Variants in PARD3 observed in about 807,000 individuals in gnomAD.
PARD3 encodes partitioning defective 3 homolog.
A neutral mutation model predicts 155.4 loss-of-function variants in PARD3; 75 were observed. The observed-to-expected ratio is 0.48, with a 90% CI of 0.40 to 0.58. The LOEUF (loss-of-function observed/expected upper bound fraction) is 0.58, where lower values mean the gene tolerates loss of function less well. PARD3 is among the 20% of genes least tolerant of loss of function. The probability of loss-of-function intolerance (pLI) is 0.00; values close to 1 mark genes in which losing one functional copy is unlikely to be tolerated. For missense variants in PARD3, 1,642 were observed against 1,721.7 expected (o/e 0.95, Z 0.82); for synonymous variants, 576 against 610.5 (o/e 0.94, Z 0.83).
chr10:34,202,234 G>A (rs1951252755), intron 22 of PARD3, among the ~76,000 whole-genome samples: 1 of 151,944 alleles, frequency 6.6e-6, no homozygotes, highest in Non-Finnish European at 1.5e-5. Flanking sequence ...CATAATACCC[G>A]GCTAATTTTT....
At chr10:34,176,604 C>T (rs1423554598) in intron 22 of PARD3, among the ~76,000 whole-genome samples, 1 of 152,180 alleles carries the variant, frequency 6.6e-6, no homozygotes, top group Non-Finnish European at 1.5e-5. Flanking sequence ...TGTACCGTTC[C>T]CTATAATCTC....
intron 24 of PARD3, among the ~76,000 whole-genome samples, chr10:34,115,465 T>A (rs974184829): frequency 1.1e-4 from 17 of 152,082 alleles, no homozygotes; most frequent in African/African-American, 4.1e-4. Context: ...AAAGATGATG[T>A]CAAAGGGTAC....
At chr10:34,679,266 G>A (rs546874780) in intron 2 of PARD3, among the ~76,000 whole-genome samples, 254 of 152,298 alleles carry the variant, frequency 1.7e-3, no homozygotes, top group African/African-American at 5.2e-3. Context: ...GTTCACCAGG[G>A]AAACCAGCTA....
chr10:34,238,513 T>C (rs1953377673), intron 22 of PARD3, among the ~76,000 whole-genome samples: 1 of 151,960 alleles, frequency 6.6e-6, no homozygotes, highest in Non-Finnish European at 1.5e-5. Flanking sequence ...CCCAAACATC[T>C]CCCACACATA....
chr10:34,210,590 G>A (rs1363298982), intron 22 of PARD3, among the ~76,000 whole-genome samples: 1 of 152,160 alleles, frequency 6.6e-6, no homozygotes, highest in Non-Finnish European at 1.5e-5. Flanking sequence ...ATTCTCTCCT[G>A]ATTGACATAG....
chr10:34,419,547 C>T (rs77798334), intron 5 of PARD3, among the ~76,000 whole-genome samples: 10,061 of 151,986 alleles, frequency 0.066, 447 homozygotes, highest in Non-Finnish European at 0.1. Flanking sequence ...AAGTAATGTG[C>T]AAAGAAACAT....
chr10:34,766,735 G>A (rs1208637650), intron 1 of PARD3, among the ~76,000 whole-genome samples: 1 of 151,452 alleles, frequency 6.6e-6, no homozygotes, highest in Non-Finnish European at 1.5e-5. Flanking sequence ...AAAAATTCAA[G>A]GGACTCCCTG....
At chr10:34,156,819 T>G (rs1654737885) in intron 22 of PARD3, among the ~76,000 whole-genome samples, 1 of 38,218 alleles carries the variant, frequency 2.6e-5, no homozygotes, top group South Asian at 1.6e-3. Context: ...GTATCTTTGG[T>G]TTATATGAAA....
intron 22 of PARD3, among the ~76,000 whole-genome samples, chr10:34,173,813 C>T (rs574648205): frequency 1.1e-4 from 17 of 152,296 alleles, no homozygotes; most frequent in African/African-American, 3.8e-4. Flanking sequence ...TAATTTTCCA[C>T]ATCAGAGCTC....
chr10:34,298,600 T>C (rs569344976), intron 20 of PARD3, among the ~76,000 whole-genome samples: 1 of 152,186 alleles, frequency 6.6e-6, no homozygotes, highest in South Asian at 2.1e-4. Flanking sequence ...AAGAGGGAAC[T>C]GGGGAGATAG....
Position 34,513,118 on chromosome 10 carries a change from T to G in PARD3, c.403+3861A>C, listed in dbSNP as rs2081497431. On this transcript the variant is annotated intron_variant, in intron 3 of 24. Transcript: ENST00000374788. ...TTAAAATTTATTAAGTGTATGAATA[T>G]TAATATTCATTTGAAATGTTTACTG... 3.3e-5 allele frequency among the ~76,000 whole-genome samples: 5 copies of G among 152,358 alleles called. No individual in the cohort carries two copies. In the South Asian group the frequency reaches 1.0e-3, roughly 32 times the overall value.
intron 2 of PARD3, among the ~76,000 whole-genome samples, chr10:34,610,603 G>A (rs574884306): frequency 6.6e-6 from 1 of 152,290 alleles, no homozygotes; most frequent in East Asian, 1.9e-4. Flanking sequence ...CAGTATGATC[G>A]TGGGTGAAAT....
chr10:34,372,453 T>C lies in PARD3; in HGVS notation c.1707+45A>G, dbSNP rs772605002. ...AAATTAGTAAGAAGTTAGTTCCATGTATCTTTCCAACATCTCTGCATCCTT... is the reference window on the plus strand; with the variant it reads ...AAATTAGTAAGAAGTTAGTTCCATGCATCTTTCCAACATCTCTGCATCCTT... On this transcript the variant is annotated intron_variant, in intron 12 of 24. Coordinates refer to ENST00000374788, the MANE Select transcript of PARD3 (RefSeq NM_001184785.2). 6 of 1,442,042 alleles carry C rather than the reference T, an allele frequency of 4.2e-6. No homozygotes were observed. The East Asian group carries it at 1.4e-4, about 33-fold the overall frequency. 89.3% of individuals were successfully genotyped at this position (1,442,042 alleles called of 1,614,324 possible). A position where few individuals can be genotyped will look rare whatever the true frequency, so the allele number is the denominator to read the frequency against.
intron 2 of PARD3, among the ~76,000 whole-genome samples, chr10:34,635,192 A>C (rs1328524350): frequency 6.6e-6 from 1 of 152,266 alleles, no homozygotes; most frequent in Non-Finnish European, 1.5e-5. Context: ...GATGAATTCA[A>C]GGCTTCTCCC....
At chr10:34,250,290 A>G (rs920617768) in intron 22 of PARD3, among the ~76,000 whole-genome samples, 2 of 152,218 alleles carry the variant, frequency 1.3e-5, no homozygotes, top group East Asian at 1.9e-4. Context: ...ATGAAAGAGC[A>G]TAATACAGAA....
At chr10:34,690,181 TG>T (rs2094029222) in intron 2 of PARD3, among the ~76,000 whole-genome samples, 1 of 152,154 alleles carries the variant, frequency 6.6e-6, no homozygotes, top group South Asian at 2.1e-4. Context: ...TGACCTCAAG[TG>T]ATCTGCCCAC....
chr10:34,427,575 C>T (rs1260237974), intron 5 of PARD3, among the ~76,000 whole-genome samples: 1 of 152,168 alleles, frequency 6.6e-6, no homozygotes, highest in East Asian at 1.9e-4. Flanking sequence ...CTTGTGACCT[C>T]GCCCTGACCT....
intron 2 of PARD3, among the ~76,000 whole-genome samples, chr10:34,544,073 G>T (rs2133910219): frequency 6.6e-6 from 1 of 152,180 alleles, no homozygotes; most frequent in African/African-American, 2.4e-5. Context: ...GACGTTAAAA[G>T]GAGCTCAGTT....
rs16935301 is a variant in PARD3, at chr10:34,300,026, C to T, written c.3066-15781G>A. On this transcript the variant is annotated intron_variant, in intron 20 of 24. Coordinates refer to ENST00000374788, the MANE Select transcript of PARD3 (RefSeq NM_001184785.2). ...TTAAAATGTTTCCGAATGCAATAAC[C>T]GGAGAGTACATCATACACAGAGTGA... Among the ~76,000 whole-genome samples, 1,286 of 152,172 alleles carry T rather than the reference C, an allele frequency of 8.5e-3. 21 individuals are homozygous for T. Among genetic ancestry groups the T allele is most frequent in the African/African-American group, 0.029 (1,200 of 41,506 alleles).
Sources: gnomAD v4.1 joint callset for allele counts (sites outside exome capture counted in the v4.1 genomes callset) on GRCh38, gnomAD v4.1.1 for gene constraint, MANE v1.5 for transcripts, NCBI Gene and HGNC (gene_info 2026-07-23, HGNC 2026-07-21) for gene names.